The following RALGAPA2 variants were observed in gnomAD, a reference collection of about 807,000 sequenced individuals.
The protein encoded by RALGAPA2 is Ral GTPase activating protein catalytic subunit alpha 2, also known as ral GTPase-activating protein subunit alpha-2.
Under a neutral mutation model 230.4 loss-of-function variants are expected in RALGAPA2, and 139 were observed. That is an observed-to-expected ratio of 0.60 (90% CI 0.53 to 0.69). The LOEUF is 0.69. RALGAPA2 is among the 30% of genes least tolerant of loss of function. RALGAPA2 has a pLI of 0.00. For missense variants in RALGAPA2, 2,163 were observed against 2,276.0 expected (o/e 0.95, Z 1.01); for synonymous variants, 847 against 837.8 (o/e 1.01, Z -0.19).
chr20:20,566,649 C>T (rs930560090), intron 23 of RALGAPA2, among the ~76,000 whole-genome samples: 6 of 152,156 alleles, frequency 3.9e-5, no homozygotes, highest in Non-Finnish European at 8.8e-5. Context: ...CATGTTTTTA[C>T]CTCTTTCAAG....
At chr20:20,675,764 T>G (rs1373754538) in intron 3 of RALGAPA2, among the ~76,000 whole-genome samples, 1 of 152,178 alleles carries the variant, frequency 6.6e-6, no homozygotes, top group Non-Finnish European at 1.5e-5. Context: ...AAAAAGTTTT[T>G]GCATGTCAGA....
At chr20:20,497,790 C>G (rs1357118012) in intron 35 of RALGAPA2, among the ~76,000 whole-genome samples, 1 of 152,190 alleles carries the variant, frequency 6.6e-6, no homozygotes, top group Non-Finnish European at 1.5e-5. Context: ...CCCAGTGTGG[C>G]AATTCTGTAA....
chr20:20,444,851 T>C (rs1478095266), intron 37 of RALGAPA2, among the ~76,000 whole-genome samples: 3 of 152,242 alleles, frequency 2.0e-5, no homozygotes, highest in Non-Finnish European at 2.9e-5. Flanking sequence ...AAATGGAAGA[T>C]TCCAGAAGTA....
rs190676571 is a variant in RALGAPA2 at position 20,691,516 on chromosome 20, A to G, written c.107-10715T>C. Among the ~76,000 whole-genome samples, 257 of 152,328 alleles carry G rather than the reference A, an allele frequency of 1.7e-3. 3 individuals are homozygous for G. Among genetic ancestry groups the G allele is most frequent in the Admixed American group, 0.012 (178 of 15,306 alleles). On this transcript the variant is annotated intron_variant, in intron 1 of 39. Transcript: ENST00000202677. ...TGAAAAAAACCAGTTTTGTATATACATAATTTATGATGTATAATAAAACAA... is the reference window on the plus strand; with the variant it reads ...TGAAAAAAACCAGTTTTGTATATACGTAATTTATGATGTATAATAAAACAA...
At chr20:20,585,897 T>C (rs1292160592) in intron 18 of RALGAPA2, among the ~76,000 whole-genome samples, 1 of 152,034 alleles carries the variant, frequency 6.6e-6, no homozygotes, top group Non-Finnish European at 1.5e-5. Flanking sequence ...CCCACAAATG[T>C]TGACCATGGC....
At chr20:20,483,259 T>C (rs1466423453) in intron 36 of RALGAPA2, among the ~76,000 whole-genome samples, 1 of 152,210 alleles carries the variant, frequency 6.6e-6, no homozygotes, top group Admixed American at 6.5e-5. Flanking sequence ...GTGAAGTCAA[T>C]AGTAATTGCA....
rs749223917 is a variant in RALGAPA2, at chr20:20,629,517, C to A, written c.1079G>T (p.Ser360Ile). ...DGGGPTEQDKSHSNSSTLSDR... is the reference protein window; with the variant it reads ...DGGGPTEQDKIHSNSSTLSDR... Reference sequence around the variant, plus strand: ...CGACAAGGTGCTGCTGTTAGAATGGCTTTTGTCCTGCTCCGTGGGCCCACC... The same window carrying A: ...CGACAAGGTGCTGCTGTTAGAATGGATTTTGTCCTGCTCCGTGGGCCCACC... Residue 360 changes from serine to isoleucine, a missense_variant, in exon 10 of 40, where the codon AGC (serine) becomes ATC (isoleucine). By Grantham distance (142) the Ser-to-Ile change is moderately radical (BLOSUM62 -2). Transcript: ENST00000202677. 1 of 1,613,954 alleles carries A rather than the reference C, an allele frequency of 6.2e-7. No individual in the cohort carries two copies. The highest frequency in any genetic ancestry group is 8.5e-7 in the Non-Finnish European group (1 of 1,179,894).
intron 28 of RALGAPA2, among the ~76,000 whole-genome samples, 166 bp from the exon 29 acceptor site, chr20:20,525,064 T>C (rs1316064420): frequency 2.0e-5 from 3 of 152,150 alleles, no homozygotes; most frequent in Non-Finnish European, 4.4e-5. Flanking sequence ...TCTTGAAAAT[T>C]AGGGAAAGAC....
intron 38 of RALGAPA2, among the ~76,000 whole-genome samples, chr20:20,401,358 G>A (rs1437536521): frequency 6.6e-6 from 1 of 152,152 alleles, no homozygotes; most frequent in African/African-American, 2.4e-5. Flanking sequence ...GTGAGGTTCT[G>A]TAGATGCCAC....
rs188667280 is a variant in RALGAPA2 at position 20,466,805 on chromosome 20, T to A, written c.5495+6024A>T. ...TCACAATGACTGCTATGAAACCACATCACTCTCACCCTGTACTCAGGCAGC... is the reference window on the plus strand; with the variant it reads ...TCACAATGACTGCTATGAAACCACAACACTCTCACCCTGTACTCAGGCAGC... On this transcript the variant is annotated intron_variant, in intron 37 of 39. Coordinates refer to ENST00000202677, the MANE Select transcript of RALGAPA2 (RefSeq NM_020343.4). 2.1e-3 allele frequency among the ~76,000 whole-genome samples: 314 copies of A among 152,318 alleles called. 2 individuals are homozygous for A. The highest frequency in any genetic ancestry group is 3.5e-3 in the Non-Finnish European group (235 of 68,028).
At chr20:20,441,814 C>CT (rs1293465246) in intron 37 of RALGAPA2, among the ~76,000 whole-genome samples, 1 of 152,030 alleles carries the variant, frequency 6.6e-6, no homozygotes, top group Admixed American at 6.6e-5. Context: ...CAGGATTTTT[C>CT]TTTTTTTAAT....
At chr20:20,509,301 A>ATTCAAATTCAAATTCAAATCTTTT (rs2062630563) in intron 33 of RALGAPA2, among the ~76,000 whole-genome samples, 1 of 152,230 alleles carries the variant, frequency 6.6e-6, no homozygotes. Context: ...TAATGACTTT[A>ATTCAAATTCAAATTCAAATCTTTT]AAAAATTATT....
chr20:20,436,566 C>G (rs896388185), intron 37 of RALGAPA2, among the ~76,000 whole-genome samples: 27 of 152,210 alleles, frequency 1.8e-4, no homozygotes, highest in Non-Finnish European at 3.4e-4. Flanking sequence ...GTCCTGGGCC[C>G]TGGCCAGGAC....
intron 36 of RALGAPA2, among the ~76,000 whole-genome samples, chr20:20,493,357 T>C (rs2062114090): frequency 6.6e-6 from 1 of 152,256 alleles, no homozygotes; most frequent in Non-Finnish European, 1.5e-5. Context: ...TTAGGCTTTT[T>C]GAATTAAAAT....
intron 36 of RALGAPA2, among the ~76,000 whole-genome samples, chr20:20,487,198 G>A (rs1385095270): frequency 1.3e-5 from 2 of 152,178 alleles, no homozygotes; most frequent in Non-Finnish European, 2.9e-5. Context: ...TCAAATGTGG[G>A]GTTTTATGTT....
chr20:20,585,444 A>T (rs1210076865), intron 18 of RALGAPA2, among the ~76,000 whole-genome samples: 2 of 152,164 alleles, frequency 1.3e-5, no homozygotes, highest in East Asian at 1.9e-4. Flanking sequence ...TTAAATTCAC[A>T]GGATTAAAAA....
At chr20:20,645,365 C>T (rs748664315) in intron 4 of RALGAPA2, among the ~76,000 whole-genome samples, 1 of 152,060 alleles carries the variant, frequency 6.6e-6, no homozygotes, top group Middle Eastern at 3.4e-3. Flanking sequence ...CCACCCGCCT[C>T]GGCCTCCCAA....
chr20:20,522,289 G>T (rs1343025715), intron 30 of RALGAPA2, among the ~76,000 whole-genome samples: 4 of 149,318 alleles, frequency 2.7e-5, no homozygotes, highest in South Asian at 2.1e-4. Flanking sequence ...ACATTTTATT[G>T]GTCCAAAACT....
chr20:20,502,350 AG>A (rs910462531), intron 35 of RALGAPA2, among the ~76,000 whole-genome samples: 2 of 152,178 alleles, frequency 1.3e-5, no homozygotes, highest in Non-Finnish European at 2.9e-5. Context: ...CTAACGGGGC[AG>A]GGGGAAAAAA....
Sources: allele counts gnomAD v4.1 joint callset (sites outside exome capture counted in the v4.1 genomes callset), GRCh38; gene constraint gnomAD v4.1.1; transcripts MANE v1.5; gene names NCBI Gene and HGNC (gene_info 2026-07-23, HGNC 2026-07-21).